RCL1: variants seen among roughly 807,000 people sequenced by gnomAD.
RCL1 encodes the protein RNA 3'-terminal phosphate cyclase-like protein.
Under a neutral mutation model 42.4 loss-of-function variants are expected in RCL1, and 24 were observed. That is an observed-to-expected ratio of 0.57 (90% CI 0.41 to 0.80). RCL1 has a LOEUF of 0.80. RCL1 is among the 30% of genes least tolerant of loss of function. The probability of loss-of-function intolerance (pLI) is 0.00; values close to 1 mark genes in which losing one functional copy is unlikely to be tolerated. For missense variants in RCL1, 578 were observed against 467.9 expected (o/e 1.24, Z -2.17); for synonymous variants, 228 against 177.3 (o/e 1.29, Z -2.27).
chr9:4,796,631 C>G (rs944071763), intron 1 of RCL1, among the ~76,000 whole-genome samples: 2 of 152,176 alleles, frequency 1.3e-5, no homozygotes, highest in African/African-American at 2.4e-5. Context: ...AACTCCTGGA[C>G]TCAAGCAGTC....
At chr9:4,839,502 G>A (rs529329661) in intron 5 of RCL1, 1 of 176,848 alleles carries the variant, frequency 5.7e-6, no homozygotes, top group Non-Finnish European at 1.1e-5. Context: ...GACATCTCTT[G>A]TGCTTTCCTG....
intron 1 of RCL1, among the ~76,000 whole-genome samples, chr9:4,803,000 T>C (rs913619449): frequency 2.0e-5 from 3 of 151,702 alleles, no homozygotes; most frequent in African/African-American, 7.3e-5. Flanking sequence ...TTTTTCTTTT[T>C]CTTTTTCCTT....
At chr9:4,830,627 C>G (rs1816912988) in intron 3 of RCL1, among the ~76,000 whole-genome samples, 1 of 152,146 alleles carries the variant, frequency 6.6e-6, no homozygotes, top group Non-Finnish European at 1.5e-5. Flanking sequence ...TTCCAGTTCC[C>G]TCTTAGAGAA....
intron 3 of RCL1, chr9:4,827,301 A>G (rs917699457): frequency 4.2e-6 from 5 of 1,202,894 alleles, no homozygotes; most frequent in East Asian, 5.1e-5. Context: ...CCGTCTCATC[A>G]TAGTTGACAT....
chr9:4,860,382 T>G lies in RCL1; in HGVS notation c.*107T>G. Reference sequence around the variant, plus strand: ...ATTAATCCAGGACAGAATAGCCACTTGCTTAATTTTCTGTGAAGAAATATC... The same window carrying G: ...ATTAATCCAGGACAGAATAGCCACTGGCTTAATTTTCTGTGAAGAAATATC... On this transcript the variant is annotated 3_prime_UTR_variant, in exon 9 of 9. Coordinates refer to ENST00000381750, the MANE Select transcript of RCL1 (RefSeq NM_005772.5). 2 of 1,160,960 alleles carry G rather than the reference T, an allele frequency of 1.7e-6. No individual in the cohort carries two copies. Among genetic ancestry groups the G allele is most frequent in the Non-Finnish European group, 2.4e-6 (2 of 838,454 alleles). 71.9% of individuals were successfully genotyped at this position (1,160,960 alleles called of 1,614,324 possible).
At chr9:4,834,404 TG>T in intron 5 of RCL1, 139 bp downstream of exon 5, 1 of 889,882 alleles carries the variant, frequency 1.1e-6, no homozygotes, top group Non-Finnish European at 1.6e-6. Context: ...ACAGTGAAAT[TG>T]TAATTGCTGG....
chr9:4,849,299 T>A, intron 7 of RCL1, 148 bp from the exon 8 acceptor site: 2 of 619,964 alleles, frequency 3.2e-6, no homozygotes, highest in South Asian at 4.0e-5. Context: ...ATACAATGAT[T>A]ACTCTTATAA....
chr9:4,808,652 G>A lies in RCL1; in HGVS notation c.137-14896G>A, dbSNP rs567402714. ...TGCTCTAGTAAAATAGGGATAGAGA[G>A]GGATTACTTTCTTCCATTGTGTTCA... On this transcript the variant is annotated intron_variant, in intron 1 of 8. Transcript: ENST00000381750. Among the ~76,000 whole-genome samples, 5 of 152,246 alleles carry A rather than the reference G, an allele frequency of 3.3e-5. No individual in the cohort carries two copies. In the South Asian group the frequency reaches 6.2e-4, roughly 19 times the overall value.
At chr9:4,819,615 C>T (rs998343311) in intron 1 of RCL1, among the ~76,000 whole-genome samples, 4 of 152,056 alleles carry the variant, frequency 2.6e-5, no homozygotes, top group Non-Finnish European at 5.9e-5. Context: ...GAGACCATCC[C>T]GGCCAACATG....
At chr9:4,857,635 G>C (rs1818007026) in intron 8 of RCL1, among the ~76,000 whole-genome samples, 1 of 152,162 alleles carries the variant, frequency 6.6e-6, no homozygotes, top group Non-Finnish European at 1.5e-5. Flanking sequence ...CCTAAGAGTA[G>C]AATTACCGTA....
intron 8 of RCL1, among the ~76,000 whole-genome samples, chr9:4,857,645 A>G (rs1818007594): frequency 1.3e-5 from 2 of 152,206 alleles, no homozygotes; most frequent in African/African-American, 4.8e-5. Flanking sequence ...GAATTACCGT[A>G]TCCTATGGTA....
chr9:4,793,442 C>G (rs554781691), intron 1 of RCL1, among the ~76,000 whole-genome samples: 86 of 152,330 alleles, frequency 5.6e-4, no homozygotes, highest in Non-Finnish European at 1.1e-3. Context: ...GCAAGCTGCG[C>G]TCGGCGTCTC....
intron 8 of RCL1, among the ~76,000 whole-genome samples, chr9:4,857,759 T>C (rs1009810363): frequency 6.6e-6 from 1 of 152,192 alleles, no homozygotes; most frequent in Non-Finnish European, 1.5e-5. Context: ...TGGTTCTGCC[T>C]CCTCACCCAC....
In RCL1 at chr9:4,823,713, T is replaced by C. The variant is rs2130999577; in HGVS notation, c.208+94T>C. 3.8e-6 allele frequency: 3 copies of C among 779,530 alleles called. No individual in the cohort carries two copies. The East Asian group carries it at 7.8e-5, about 20-fold the overall frequency. 48.3% of individuals were successfully genotyped at this position (779,530 alleles called of 1,614,324 possible). ...TTCTTTCCTTTTTTTTTCTAGTCAG[T>C]CTCTGCTTATCCAAATCACTCTTTT... On this transcript the variant is annotated intron_variant, in intron 2 of 8. Transcript: ENST00000381750.
chr9:4,801,133 G>A (rs1351942765), intron 1 of RCL1, among the ~76,000 whole-genome samples: 1 of 152,102 alleles, frequency 6.6e-6, no homozygotes, highest in Middle Eastern at 3.2e-3. Flanking sequence ...ATCTTTCCAA[G>A]TCTTTTGTCC....
chr9:4,860,601 A>G lies in RCL1; in HGVS notation c.*326A>G. On this transcript the variant is annotated 3_prime_UTR_variant, in exon 9 of 9. Transcript: ENST00000381750. ...CAGTTCAGCTGTGCTTCCTCAGCCTACTATCATAGGCTTCCTCAGCCCTCT... is the reference window on the plus strand; with the variant it reads ...CAGTTCAGCTGTGCTTCCTCAGCCTGCTATCATAGGCTTCCTCAGCCCTCT... The G allele has an allele frequency of 4.1e-6, 1 of 243,402 alleles. No homozygotes were observed. The highest frequency in any genetic ancestry group is 7.8e-6 in the Non-Finnish European group (1 of 128,032). The allele number at this position is 243,402 out of a possible 1,614,324, so 15.1% of individuals were successfully genotyped here. A position where few individuals can be genotyped will look rare whatever the true frequency, so the allele number is the denominator to read the frequency against.
chr9:4,823,754 T>C (rs1472141835), intron 2 of RCL1, 135 bp downstream of exon 2: 2 of 621,110 alleles, frequency 3.2e-6, no homozygotes, highest in East Asian at 2.8e-5. Context: ...GTATAAATAT[T>C]ATGTTTAAAG....
intron 1 of RCL1, among the ~76,000 whole-genome samples, chr9:4,796,105 A>T (rs1461860856): frequency 6.6e-6 from 1 of 152,186 alleles, no homozygotes; most frequent in Non-Finnish European, 1.5e-5. Flanking sequence ...ATTTTATTTT[A>T]GAGTCGGGGG....
At chr9:4,827,741 T>TGTGTGTGTGTGTGCACGC (rs1554639310) in intron 3 of RCL1, among the ~76,000 whole-genome samples, 10 of 117,820 alleles carry the variant, frequency 8.5e-5, no homozygotes, top group African/African-American at 3.0e-4. Flanking sequence ...AGTGTGTGTG[T>TGTGTGTGTGTGTGCACGC]GTGTGTGTGT....
Sources: gnomAD v4.1 joint callset for allele counts (sites outside exome capture counted in the v4.1 genomes callset) on GRCh38, gnomAD v4.1.1 for gene constraint, MANE v1.5 for transcripts, NCBI Gene and HGNC (gene_info 2026-07-23, HGNC 2026-07-21) for gene names.